The following ALDH1L1 variants were observed in gnomAD, a reference collection of about 807,000 sequenced individuals.
ALDH1L1 encodes cytosolic 10-formyltetrahydrofolate dehydrogenase.
A neutral mutation model predicts 101.1 loss-of-function variants in ALDH1L1; 68 were observed. The observed-to-expected ratio is 0.67, with a 90% confidence interval of 0.55 to 0.82. ALDH1L1 has a LOEUF of 0.82. Ranked by LOEUF, ALDH1L1 falls within the 40% of genes least tolerant of loss-of-function variation. The pLI, the probability that ALDH1L1 is intolerant of heterozygous loss-of-function variation, is 0.00. For missense variants in ALDH1L1, 1,087 were observed against 1,172.7 expected (o/e 0.93, Z 1.07); for synonymous variants, 486 against 470.8 (o/e 1.03, Z -0.42).
At chr3:126,172,614 T>C (rs2081299009) in intron 1 of ALDH1L1, among the ~76,000 whole-genome samples, 1 of 152,020 alleles carries the variant, frequency 6.6e-6, no homozygotes, top group Non-Finnish European at 1.5e-5. Flanking sequence ...ATCCTTGTAA[T>C]AGGGATATCA....
chr3:126,105,758 C>A lies in ALDH1L1; in HGVS notation c.2621G>T (p.Gly874Val). ...NKTDVAAPFG[G>V]FKQSGFGKDL... is the part of the protein sequence containing the mutation. ...TTTGCCAAATCCAGACTGTTTGAAT[C>A]CTCCGAAGGGAGCGGCCACGTCGGT... The change falls in exon 22 of 23, where the codon GGA becomes GTA. Residue 874 changes from glycine to valine, a missense_variant. Gly to Val is a moderately radical substitution (Grantham distance 109). This residue lies in a region of ALDH1L1 where 442 missense variants were observed against 535.7 expected (regional missense o/e 0.83). Transcript: ENST00000393434. 17 of 1,614,220 alleles carry A rather than the reference C, an allele frequency of 1.1e-5. No homozygotes were observed. Among genetic ancestry groups the A allele is most frequent in the Non-Finnish European group, 1.4e-5 (17 of 1,180,036 alleles).
At chr3:126,190,712 T>G (rs915414439) in intron 1 of ALDH1L1, among the ~76,000 whole-genome samples, 1 of 152,236 alleles carries the variant, frequency 6.6e-6, no homozygotes, top group Non-Finnish European at 1.5e-5. Context: ...GTTTTGATTT[T>G]AATAATGGCA....
intron 12 of ALDH1L1, among the ~76,000 whole-genome samples, chr3:126,133,986 C>A (rs968137594): frequency 6.6e-6 from 1 of 152,220 alleles, no homozygotes; most frequent in Admixed American, 6.5e-5. Flanking sequence ...TGCCTAGGAA[C>A]CTTGTCTAAC....
intron 1 of ALDH1L1, among the ~76,000 whole-genome samples, chr3:126,161,300 G>GT (rs1230874709): frequency 6.6e-6 from 1 of 152,258 alleles, no homozygotes; most frequent in Non-Finnish European, 1.5e-5. Context: ...GGCATGGAAT[G>GT]TTGGGTGTCA....
intron 7 of ALDH1L1, chr3:126,152,833 T>G (rs1392873457): frequency 6.2e-6 from 1 of 161,658 alleles, no homozygotes; most frequent in Non-Finnish European, 1.4e-5. Flanking sequence ...AAATCTCTGT[T>G]TTTTTCCTCT....
chr3:126,137,895 G>A lies in ALDH1L1; in HGVS notation c.1142C>T (p.Ala381Val). 6.2e-7 allele frequency: 1 copy of A among 1,614,216 alleles called. No individual in the cohort carries two copies. Among genetic ancestry groups the A allele is most frequent in the South Asian group, 1.1e-5 (1 of 91,076 alleles). ...CTGGATGAAGTCCCCAAAGGTGGAT[G>A]CCATGTACACATCTTCATTTTCTAA... is the stretch of plus-strand genomic sequence containing the variant. The part of the protein sequence containing the change: ...LELENEDVYM[A>V]STFGDFIQLL... Residue 381 changes from alanine to valine, a missense_variant, in exon 10 of 23, where the codon GCA (alanine) becomes GTA (valine). By Grantham distance (64) the Ala-to-Val change is moderately conservative. Coordinates refer to ENST00000393434, the MANE Select transcript of ALDH1L1 (RefSeq NM_012190.4).
chr3:126,180,114 T>C (rs924632178), intron 1 of ALDH1L1: 2 of 152,428 alleles, frequency 1.3e-5, no homozygotes, highest in Admixed American at 1.3e-4. Flanking sequence ...GGTCCCTTTC[T>C]CTTATCGAGC....
At chr3:126,183,104 C>G (rs1251718176), upstream of ALDH1L1, among the ~76,000 whole-genome samples, 1 of 152,190 alleles carries the variant, frequency 6.6e-6, no homozygotes, top group East Asian at 1.9e-4. Context: ...AGAGTGTGGT[C>G]ATGAGATCTT....
intron 9 of ALDH1L1, among the ~76,000 whole-genome samples, chr3:126,141,235 AAC>A (rs975285982): frequency 2.0e-5 from 3 of 152,092 alleles, no homozygotes; most frequent in Non-Finnish European, 4.4e-5. Flanking sequence ...ATACACACCT[AAC>A]ACAGCCCTAA....
chr3:126,119,260 T>A (rs1039117201), intron 16 of ALDH1L1, among the ~76,000 whole-genome samples: 2 of 152,200 alleles, frequency 1.3e-5, no homozygotes, highest in Non-Finnish European at 2.9e-5. Context: ...TCCTCTGGGA[T>A]TCAGATCCAT....
chr3:126,189,301 G>T (rs994083100), intron 1 of ALDH1L1, among the ~76,000 whole-genome samples: 1 of 152,180 alleles, frequency 6.6e-6, no homozygotes, highest in Non-Finnish European at 1.5e-5. Context: ...GCATAAACGA[G>T]GAAAACTCAA....
At chr3:126,161,129 G>A (rs2081041797) in intron 1 of ALDH1L1, 127 bp from the exon 2 acceptor site, 1 of 1,122,512 alleles carries the variant, frequency 8.9e-7, no homozygotes, top group African/African-American at 1.6e-5. Flanking sequence ...GGCTCTGTGG[G>A]TGGCAGGCCA....
intron 14 of ALDH1L1, among the ~76,000 whole-genome samples, chr3:126,125,946 G>A (rs1401206130): frequency 6.6e-6 from 1 of 152,212 alleles, no homozygotes; most frequent in African/African-American, 2.4e-5. Flanking sequence ...AGCAGGGCAG[G>A]ATGGCATGGG....
intron 15 of ALDH1L1, among the ~76,000 whole-genome samples, chr3:126,124,714 G>C (rs769183224): frequency 3.4e-4 from 51 of 152,208 alleles, no homozygotes; most frequent in Non-Finnish European, 5.7e-4. Flanking sequence ...CAGCCGGCCA[G>C]GCCTGGGTTC....
At chr3:126,150,718 A>C (rs1336764540) in intron 7 of ALDH1L1, 187 bp from the exon 8 acceptor site, 4 of 562,544 alleles carry the variant, frequency 7.1e-6, no homozygotes, top group Non-Finnish European at 1.1e-5. Context: ...ACCATGCCCG[A>C]CTAATTTTTG....
intron 19 of ALDH1L1, 104 bp downstream of exon 19, chr3:126,112,678 C>T: frequency 3.6e-6 from 4 of 1,110,466 alleles, no homozygotes; most frequent in African/African-American, 1.5e-5. Context: ...AGGAGGAGCC[C>T]AGCCTCACTT....
intron 12 of ALDH1L1, among the ~76,000 whole-genome samples, chr3:126,133,289 C>T (rs1014322646): frequency 2.6e-5 from 4 of 152,206 alleles, no homozygotes; most frequent in African/African-American, 9.7e-5. Context: ...CCCTTGGCAG[C>T]CCTCAGACCC....
chr3:126,103,882 C>G, intron 22 of ALDH1L1, 36 bp from the exon 23 acceptor site: 1 of 1,607,746 alleles, frequency 6.2e-7, no homozygotes, highest in Non-Finnish European at 8.5e-7. Context: ...CAGCTCCCAC[C>G]ACAGGCAGGG....
chr3:126,181,888 C>T (rs1052302560), upstream of ALDH1L1, among the ~76,000 whole-genome samples: 13 of 152,230 alleles, frequency 8.5e-5, no homozygotes, highest in Non-Finnish European at 1.5e-4. Context: ...TACTTTCAGG[C>T]ACTGTCCCCT....
Sources: allele counts gnomAD v4.1 joint callset (sites outside exome capture counted in the v4.1 genomes callset), GRCh38; gene constraint gnomAD v4.1.1; regional missense constraint gnomAD v4.1.1; transcripts MANE v1.5; gene names NCBI Gene and HGNC (gene_info 2026-07-23, HGNC 2026-07-21).